The following CYFIP2 variants were observed in gnomAD, a reference collection of about 807,000 sequenced individuals.
The protein encoded by CYFIP2 is cytoplasmic FMR1 interacting protein 2.
Under a neutral mutation model 158.7 loss-of-function variants are expected in CYFIP2, and 29 were observed. That is an observed-to-expected ratio of 0.18 (90% CI 0.14 to 0.25). The LOEUF is 0.25. CYFIP2 is among the 10% of genes least tolerant of loss of function. CYFIP2 has a pLI of 1.00. For synonymous variants in CYFIP2, 585 were observed against 617.6 expected (o/e 0.95, Z 0.78); for missense variants, 852 against 1,639.5 (o/e 0.52, Z 8.29).
chr5:157,331,491 T>TAA (rs1211968950), intron 20 of CYFIP2, among the ~76,000 whole-genome samples: 9 of 151,650 alleles, frequency 5.9e-5, no homozygotes, highest in Admixed American at 2.6e-4. Flanking sequence ...GCTTATTATG[T>TAA]GGTCCTGGTC....
chr5:157,267,322 T>A lies in CYFIP2; in HGVS notation c.-24+1127T>A, dbSNP rs563526035. Among the ~76,000 whole-genome samples the A allele has an allele frequency of 4.6e-5, 7 of 152,334 alleles. No individual in the cohort carries two copies. The South Asian group carries it at 1.4e-3, about 32-fold the overall frequency. On this transcript the variant is annotated intron_variant, in intron 1 of 30. Coordinates refer to ENST00000620254, the MANE Select transcript of CYFIP2 (RefSeq NM_001037333.3). ...TGGCAGGAGGGGCAAATCAGGAGAC[T>A]GTCGGTTCCTGTGTTCCCATTTCCT...
At chr5:157,327,930 G>A in intron 18 of CYFIP2, 43 bp from the exon 19 acceptor site, 1 of 1,592,518 alleles carries the variant, frequency 6.3e-7, no homozygotes, top group Non-Finnish European at 8.6e-7. Flanking sequence ...CTGTCATAAA[G>A]CTGAACGGGC....
At chr5:157,368,797 A>G (rs566359519) in intron 26 of CYFIP2, among the ~76,000 whole-genome samples, 22 of 151,876 alleles carry the variant, frequency 1.4e-4, no homozygotes, top group African/African-American at 4.6e-4. Flanking sequence ...TATCCCATCC[A>G]TGATGGCACT....
At chr5:157,384,575 G>A (rs765236211) in intron 28 of CYFIP2, 22 of 438,438 alleles carry the variant, frequency 5.0e-5, no homozygotes, top group Non-Finnish European at 9.4e-5. Flanking sequence ...CTGCACAGAC[G>A]TCATGCTGAG....
chr5:157,289,318 G>A (rs114133710), intron 3 of CYFIP2, among the ~76,000 whole-genome samples: 33 of 152,360 alleles, frequency 2.2e-4, no homozygotes, highest in African/African-American at 7.7e-4. Context: ...GGTATGGACT[G>A]TAAAGTGCAT....
chr5:157,337,556 G>C (rs1019252536), intron 21 of CYFIP2, among the ~76,000 whole-genome samples: 2 of 152,190 alleles, frequency 1.3e-5, no homozygotes, highest in Non-Finnish European at 2.9e-5. Flanking sequence ...CTTCAACTTA[G>C]AGCCACAGAA....
At chr5:157,351,956 G>A (rs1229570843) in intron 23 of CYFIP2, among the ~76,000 whole-genome samples, 6 of 152,124 alleles carry the variant, frequency 3.9e-5, no homozygotes, top group Admixed American at 2.6e-4. Context: ...GCCCTACTCT[G>A]GAGTCTAAGT....
intron 15 of CYFIP2, 110 bp downstream of exon 15, chr5:157,320,912 G>T: frequency 7.4e-7 from 1 of 1,354,962 alleles, no homozygotes. Context: ...TCGGTCAGGA[G>T]GGGCAGGGTT....
At chr5:157,277,078 G>A (rs1561682717) in intron 1 of CYFIP2, 1 of 149,774 alleles carries the variant, frequency 6.7e-6, no homozygotes, top group Non-Finnish European at 1.5e-5. Context: ...TCGTCACCCA[G>A]GCTGGAGTAC....
chr5:157,386,927 TAA>T (rs554742130), intron 28 of CYFIP2, among the ~76,000 whole-genome samples: 42,974 of 132,212 alleles, frequency 0.33, 6,995 homozygotes, highest in East Asian at 0.68. Context: ...CTCGAAGATT[TAA>T]AAAAAAAAAA....
At position 157,394,759 on chromosome 5, in the gene CYFIP2, A is replaced by G. The variant is rs1352405742; in HGVS notation, c.*1759A>G. On this transcript the variant is annotated 3_prime_UTR_variant, in exon 31 of 31. Transcript: ENST00000620254. The stretch of plus-strand genomic sequence containing the variant: ...ACATCATACAGGGAAGAGAGAAGGG[A>G]GGAGGTTCCAAGTAGTAACTGGCAG... 6.6e-6 allele frequency: 1 copy of G among 152,254 alleles called. No homozygotes were observed. The highest frequency in any genetic ancestry group is 1.5e-5 in the Non-Finnish European group (1 of 68,056). 9.4% of individuals were successfully genotyped at this position (152,254 alleles called of 1,614,324 possible). A position where few individuals can be genotyped will look rare whatever the true frequency, so the allele number is the denominator to read the frequency against.
chr5:157,381,529 C>G (rs373507433), intron 26 of CYFIP2, among the ~76,000 whole-genome samples: 1 of 102,828 alleles, frequency 9.7e-6, no homozygotes, highest in Non-Finnish European at 1.9e-5. Context: ...CTCCGTTTCA[C>G]AAAAAAAAAA....
At chr5:157,370,598 G>A (rs919565497) in intron 26 of CYFIP2, among the ~76,000 whole-genome samples, 2 of 152,188 alleles carry the variant, frequency 1.3e-5, no homozygotes, top group African/African-American at 2.4e-5. Context: ...TCTCATTAAG[G>A]TTGTCAGAAA....
At position 157,300,709 on chromosome 5, in the gene CYFIP2, C is replaced by T; in HGVS notation, c.388-6C>T. ...TGGACCTTACTCACTGCCCCTCTGC[C>T]CCCAGCGCAAGGCCATCGAGCGGTT... is the stretch of plus-strand genomic sequence containing the variant. On this transcript the variant is annotated splice_polypyrimidine_tract_variant and splice_region_variant and intron_variant, in intron 5 of 30. Transcript: ENST00000620254. 1 of 1,578,570 alleles carries T rather than the reference C, an allele frequency of 6.3e-7. No individual in the cohort carries two copies. The highest frequency in any genetic ancestry group is 8.6e-7 in the Non-Finnish European group (1 of 1,160,816).
rs1167904969 is a variant in CYFIP2, at chr5:157,287,102, C to T, written c.201C>T (p.Ser67=). Residue 67 remains serine (S), a synonymous_variant, in exon 3 of 31, where the codon TCC becomes TCT. Transcript: ENST00000620254. ...ACATTGAGCAGGCTACAGTCCACTCCAGCATGGTAAGTCTCTGTGACCCAC... is the reference window on the plus strand; with the variant it reads ...ACATTGAGCAGGCTACAGTCCACTCTAGCATGGTAAGTCTCTGTGACCCAC... ...ARYIEQATVH[S]SMNEMLEEGH... 3 of 1,612,906 alleles carry T rather than the reference C, an allele frequency of 1.9e-6. No individual in the cohort carries two copies. Among genetic ancestry groups the T allele is most frequent in the South Asian group, 2.2e-5 (2 of 91,058 alleles).
At chr5:157,298,496 C>G (rs962486395) in intron 5 of CYFIP2, among the ~76,000 whole-genome samples, 1 of 129,536 alleles carries the variant, frequency 7.7e-6, no homozygotes, top group African/African-American at 3.0e-5. Flanking sequence ...CCACCACGAC[C>G]AGCTACTTTT....
intron 13 of CYFIP2, among the ~76,000 whole-genome samples, chr5:157,319,438 G>A (rs1760413548): frequency 6.6e-6 from 1 of 152,218 alleles, no homozygotes; most frequent in African/African-American, 2.4e-5. Flanking sequence ...TGTGGCCCAT[G>A]GGCCAGCTGC....
chr5:157,320,146 C>G (rs958493516), intron 14 of CYFIP2, among the ~76,000 whole-genome samples: 10 of 152,184 alleles, frequency 6.6e-5, no homozygotes, highest in Non-Finnish European at 1.2e-4. Context: ...AGGTTGCTGA[C>G]CTTCTCCAAA....
Position 157,359,078 on chromosome 5 carries a change from T to C in CYFIP2, c.2747T>C (p.Ile916Thr), listed in dbSNP as rs1763618898. Reference protein sequence around the residue: ...NFVGPPHFKTICRLLGYQGIA... With the variant: ...NFVGPPHFKTTCRLLGYQGIA... ...GTGGGGCCACCTCATTTCAAGACTA[T>C]CTGCAGACTCCTGGGTTATCAGGGC... The change falls in exon 24 of 31, where the codon ATC becomes ACC. Residue 916 changes from isoleucine to threonine, a missense_variant. By Grantham distance (89) the Ile-to-Thr change is moderately conservative. This residue lies in a region of CYFIP2 where 191 missense variants were observed against 311.2 expected (regional missense o/e 0.61). Coordinates refer to ENST00000620254, the MANE Select transcript of CYFIP2 (RefSeq NM_001037333.3). 1.2e-6 allele frequency: 2 copies of C among 1,613,974 alleles called. No individual in the cohort carries two copies. Among genetic ancestry groups the C allele is most frequent in the Non-Finnish European group, 1.7e-6 (2 of 1,179,872 alleles).
Sources: gnomAD v4.1 joint callset for allele counts (sites outside exome capture counted in the v4.1 genomes callset) on GRCh38, gnomAD v4.1.1 for gene constraint, gnomAD v4.1.1 regional missense constraint, MANE v1.5 for transcripts, NCBI Gene and HGNC (gene_info 2026-07-23, HGNC 2026-07-21) for gene names.